The following BARD1 variants were observed in gnomAD, a reference collection of about 807,000 sequenced individuals.
BARD1 encodes BRCA1 associated RING domain 1, also known as BRCA1-associated RING domain protein 1.
In BARD1, 73 loss-of-function variants were observed where a neutral mutation model predicts 77.0. That is an observed-to-expected ratio of 0.95 (90% CI 0.79 to 1.15). The LOEUF (loss-of-function observed/expected upper bound fraction) is 1.15. BARD1 is among the 50% of genes most tolerant of loss of function. The probability of loss-of-function intolerance (pLI) is 0.00; values close to 1 mark genes in which losing one functional copy is unlikely to be tolerated. For missense variants in BARD1, 993 were observed against 938.8 expected (o/e 1.06, Z -0.75); for synonymous variants, 384 against 338.0 (o/e 1.14, Z -1.49).
intron 8 of BARD1, 93 bp from the exon 9 acceptor site, chr2:214,745,252 T>G (rs1693049666): frequency 8.8e-7 from 1 of 1,135,436 alleles, no homozygotes; most frequent in Non-Finnish European, 1.3e-6. Context: ...TTTTGTAAGC[T>G]TATATCTGAA....
chr2:214,775,605 C>A (rs1490704304), intron 4 of BARD1, among the ~76,000 whole-genome samples: 2 of 152,012 alleles, frequency 1.3e-5, no homozygotes, highest in Non-Finnish European at 2.9e-5. Flanking sequence ...GTTGGAAAAA[C>A]AGCACTGACA....
chr2:214,742,709 G>T (rs561730502), intron 9 of BARD1, among the ~76,000 whole-genome samples: 3 of 152,208 alleles, frequency 2.0e-5, no homozygotes, highest in Admixed American at 1.3e-4. Context: ...CCCAAAGAAG[G>T]CATATTTTAT....
At chr2:214,794,175 C>T (rs1695654955) in intron 2 of BARD1, among the ~76,000 whole-genome samples, 1 of 151,976 alleles carries the variant, frequency 6.6e-6, no homozygotes, top group Admixed American at 6.6e-5. Context: ...TCACCCAAGC[C>T]AAGAAGTTGA....
rs1255453325 is a variant in BARD1, at chr2:214,801,732, T to C, written c.159-4615A>G. On this transcript the variant is annotated intron_variant, in intron 1 of 10. Transcript: ENST00000260947. ...TCTAAGGGTCTTATAATCTGGCCAA[T>C]TAATTACATAAACCAAATTAATATG... 6.6e-5 allele frequency among the ~76,000 whole-genome samples: 10 copies of C among 151,942 alleles called. No homozygotes were observed. The South Asian group carries it at 2.1e-3, about 32-fold the overall frequency.
At chr2:214,745,023 A>G in intron 9 of BARD1, 44 bp downstream of exon 9, 1 of 1,528,804 alleles carries the variant, frequency 6.5e-7, no homozygotes, top group East Asian at 2.3e-5. Context: ...GAAAAACAAA[A>G]CTAGTCTAAT....
intron 9 of BARD1, among the ~76,000 whole-genome samples, chr2:214,740,897 C>G (rs572859148): frequency 6.7e-6 from 1 of 149,448 alleles, no homozygotes; most frequent in African/African-American, 2.5e-5. Flanking sequence ...TTAATTTATA[C>G]GAATGTTTTT....
At chr2:214,743,072 G>A (rs1692919334) in intron 9 of BARD1, among the ~76,000 whole-genome samples, 1 of 152,202 alleles carries the variant, frequency 6.6e-6, no homozygotes, top group African/African-American at 2.4e-5. Flanking sequence ...ATAACTAGGA[G>A]GGACTAATTA....
At chr2:214,774,706 T>C (rs1694662736) in intron 4 of BARD1, among the ~76,000 whole-genome samples, 1 of 152,204 alleles carries the variant, frequency 6.6e-6, no homozygotes, top group African/African-American at 2.4e-5. Context: ...ACTTCTCCTT[T>C]CTAGCTATGA....
intron 3 of BARD1, among the ~76,000 whole-genome samples, chr2:214,790,210 G>GCT (rs1411398016): frequency 3.9e-5 from 6 of 151,986 alleles, no homozygotes; most frequent in Admixed American, 2.6e-4. Flanking sequence ...GGGTTACCCT[G>GCT]CTCTCCATTT....
chr2:214,776,386 A>G (rs1446848864), intron 4 of BARD1, among the ~76,000 whole-genome samples: 1 of 152,212 alleles, frequency 6.6e-6, no homozygotes, highest in Admixed American at 6.5e-5. Flanking sequence ...AAGAATAAAC[A>G]ATGAGTATCT....
At chr2:214,788,838 T>G (rs1695393512) in intron 3 of BARD1, among the ~76,000 whole-genome samples, 1 of 152,088 alleles carries the variant, frequency 6.6e-6, no homozygotes, top group Non-Finnish European at 1.5e-5. Flanking sequence ...TTCTAACCTT[T>G]TAGTTCTAGA....
At chr2:214,803,186 C>T (rs898162021) in intron 1 of BARD1, among the ~76,000 whole-genome samples, 6 of 140,446 alleles carry the variant, frequency 4.3e-5, no homozygotes, top group South Asian at 4.3e-4. Context: ...ACAAACACTG[C>T]GGAAGGACCC....
chr2:214,809,645 G>A lies in BARD1; in HGVS notation c.-76C>T. On this transcript the variant is annotated 5_prime_UTR_variant, in exon 1 of 11. Coordinates refer to ENST00000260947, the MANE Select transcript of BARD1 (RefSeq NM_000465.4). ...CTCGGGAAACCACAGGGAAGCTGCAGGCCAGCGACTCGAAACCGGCCAAGC... is the reference window on the plus strand; with the variant it reads ...CTCGGGAAACCACAGGGAAGCTGCAAGCCAGCGACTCGAAACCGGCCAAGC... 6.6e-7 allele frequency: 1 copy of A among 1,505,984 alleles called. No homozygotes were observed. 93.3% of individuals were successfully genotyped at this position (1,505,984 alleles called of 1,614,324 possible). A position where few individuals can be genotyped will look rare whatever the true frequency, so the allele number is the denominator to read the frequency against.
At chr2:214,737,291 C>T (rs946505039) in intron 9 of BARD1, among the ~76,000 whole-genome samples, 10 of 151,986 alleles carry the variant, frequency 6.6e-5, no homozygotes, top group Non-Finnish European at 8.8e-5. Flanking sequence ...CTCAGCCTGC[C>T]GATTTGAAAC....
At chr2:214,784,587 T>C (rs1256459893) in intron 3 of BARD1, among the ~76,000 whole-genome samples, 2 of 152,152 alleles carry the variant, frequency 1.3e-5, no homozygotes, top group African/African-American at 2.4e-5. Flanking sequence ...TGTATGTTTA[T>C]TGTAGCACTG....
chr2:214,759,181 T>C (rs1693833261), intron 6 of BARD1, among the ~76,000 whole-genome samples: 1 of 152,130 alleles, frequency 6.6e-6, no homozygotes, highest in Admixed American at 6.5e-5. Context: ...AGTGGGACAA[T>C]TAATAGGTCC....
chr2:214,759,436 GTTATAAATA>G (rs1203496734), intron 6 of BARD1, among the ~76,000 whole-genome samples: 1 of 152,152 alleles, frequency 6.6e-6, no homozygotes, highest in Non-Finnish European at 1.5e-5. Flanking sequence ...GTTTTGAACA[GTTATAAATA>G]CTCCCAGACA....
chr2:214,754,151 C>A (rs947345903), intron 6 of BARD1, among the ~76,000 whole-genome samples: 1 of 151,740 alleles, frequency 6.6e-6, no homozygotes, highest in African/African-American at 2.4e-5. Flanking sequence ...ATATGACAAT[C>A]AAAAAATAGA....
At chr2:214,755,609 G>C (rs568984519) in intron 6 of BARD1, among the ~76,000 whole-genome samples, 1 of 152,314 alleles carries the variant, frequency 6.6e-6, no homozygotes, top group East Asian at 1.9e-4. Flanking sequence ...CTAGAAACTG[G>C]AATATGGTGG....
Sources: allele counts gnomAD v4.1 joint callset (sites outside exome capture counted in the v4.1 genomes callset), GRCh38; gene constraint gnomAD v4.1.1; transcripts MANE v1.5; gene names NCBI Gene and HGNC (gene_info 2026-07-23, HGNC 2026-07-21).